The following ITSN2 variants were observed in gnomAD, a reference collection of about 807,000 sequenced individuals.
ITSN2 encodes intersectin 2.
Under a neutral mutation model 243.7 loss-of-function variants are expected in ITSN2, and 156 were observed. The ratio of observed to expected loss-of-function variants is 0.64; its 90% CI spans 0.56 to 0.73. The LOEUF (loss-of-function observed/expected upper bound fraction) is 0.73. ITSN2 is among the 30% of genes least tolerant of loss of function. The pLI, the probability that ITSN2 is intolerant of heterozygous loss-of-function variation, is 0.00. For missense variants in ITSN2, 1,801 were observed against 1,996.1 expected, an observed-to-expected ratio of 0.90 and a Z score of 1.86; for synonymous variants, 703 against 699.9, an observed-to-expected ratio of 1.00 and a Z score of -0.07.
chr2:24,320,525 C>CAAAA (rs113637557), intron 2 of ITSN2, among the ~76,000 whole-genome samples: 5 of 41,520 alleles, frequency 1.2e-4, no homozygotes, highest in Admixed American at 3.7e-4. Context: ...GACTCCGTCT[C>CAAAA]AAAAAAAAAA....
rs72794001 is a variant in ITSN2 at position 24,208,855 on chromosome 2, C to T, written c.4595+245G>A. Among the ~76,000 whole-genome samples, 490 of 152,310 alleles carry T rather than the reference C, an allele frequency of 3.2e-3. 2 individuals carry two copies. Among genetic ancestry groups the T allele is most frequent in the Non-Finnish European group, 5.5e-3 (371 of 68,016 alleles). On this transcript the variant is annotated intron_variant, in intron 36 of 39. Coordinates refer to ENST00000355123, the MANE Select transcript of ITSN2 (RefSeq NM_006277.3). ...AGGGACTGTAGCAGGGCCTCAGGTG[C>T]TGATCTGCCATTTGGGAAGGCTGCT...
At position 24,209,979 on chromosome 2, in the gene ITSN2, T is replaced by G; in HGVS notation, c.4312A>C (p.Ser1438Arg). ...NCLGPRKLLH[S>R]GKLYKTKSNK... ...CTCTTGGTCTTGTATAATTTCCCAC[T>G]GTGTAAGAGCTTCCGGGGCCCCAGG... Residue 1438 changes from serine (S) to arginine (R), a missense_variant, in exon 35 of 40, where the codon AGT (serine) becomes CGT (arginine). Ser to Arg is a moderately radical substitution (Grantham distance 110, BLOSUM62 -1). Coordinates refer to ENST00000355123, the MANE Select transcript of ITSN2 (RefSeq NM_006277.3). 1.9e-6 allele frequency: 3 copies of G among 1,614,182 alleles called. No homozygotes were observed. The highest frequency in any genetic ancestry group is 2.5e-6 in the Non-Finnish European group (3 of 1,180,020).
At chr2:24,291,548 G>A (rs557549985) in intron 15 of ITSN2, among the ~76,000 whole-genome samples, 5 of 147,784 alleles carry the variant, frequency 3.4e-5, no homozygotes, top group South Asian at 2.1e-4. Flanking sequence ...GGAGGGCAGC[G>A]GTGCGATCTC....
chr2:24,277,298 C>T (rs189367750), intron 17 of ITSN2, among the ~76,000 whole-genome samples: 10 of 152,208 alleles, frequency 6.6e-5, no homozygotes, highest in African/African-American at 2.2e-4. Flanking sequence ...TTTTTGGTAT[C>T]AACCTATACA....
chr2:24,267,225 G>A (rs1018237071), intron 20 of ITSN2, among the ~76,000 whole-genome samples: 4 of 151,972 alleles, frequency 2.6e-5, no homozygotes, highest in South Asian at 2.1e-4. Flanking sequence ...ATCACACAGC[G>A]GGACCTGTCA....
Position 24,209,893 on chromosome 2 carries a change from C to T in ITSN2, c.4398G>A (p.Lys1466=), listed in dbSNP as rs374440871. 6.7e-5 allele frequency: 108 copies of T among 1,614,100 alleles called. No individual in the cohort carries two copies. Among genetic ancestry groups the T allele is most frequent in the Non-Finnish European group, 8.9e-5 (105 of 1,180,034 alleles). ...CAGAGCCAGAGGAAACAGCAAACTG[C>T]TTGACCATGTAGGTAAGAAGCAGGA... ...NDFLLLTYMV[K]QFAVSSGSEK... is the part of the protein sequence containing the mutation. The change falls in exon 35 of 40, where the codon AAG becomes AAA. Residue 1466 remains lysine, a synonymous_variant. Transcript: ENST00000355123.
chr2:24,324,047 GTGGT>G (rs1684878361), intron 2 of ITSN2, among the ~76,000 whole-genome samples: 1 of 151,970 alleles, frequency 6.6e-6, no homozygotes, highest in South Asian at 2.1e-4. Flanking sequence ...CCTGGCTAAC[GTGGT>G]GAAACCCCAT....
chr2:24,262,325 T>C (rs1473653177), intron 20 of ITSN2, among the ~76,000 whole-genome samples: 1 of 152,236 alleles, frequency 6.6e-6, no homozygotes, highest in Non-Finnish European at 1.5e-5. Flanking sequence ...ATTTCCTTTT[T>C]TGTAAACTTT....
In ITSN2 at chr2:24,270,391, G is replaced by C. The variant is rs182134286; in HGVS notation, c.2355+280C>G. 2.6e-4 allele frequency among the ~76,000 whole-genome samples: 40 copies of C among 152,234 alleles called. No individual in the cohort carries two copies. In the East Asian group the frequency reaches 7.7e-3, roughly 29 times the overall value. On this transcript the variant is annotated intron_variant, in intron 20 of 39. Transcript: ENST00000355123. ...GTATGGCATAGCAGAAACAACGCTGGATTTGGAAATAAAAAAACACATAAC... is the reference window on the plus strand; with the variant it reads ...GTATGGCATAGCAGAAACAACGCTGCATTTGGAAATAAAAAAACACATAAC...
At chr2:24,254,790 T>C (rs1211488023) in intron 23 of ITSN2, among the ~76,000 whole-genome samples, 2 of 152,150 alleles carry the variant, frequency 1.3e-5, no homozygotes, top group African/African-American at 4.8e-5. Context: ...AAAGGCAATA[T>C]ATACATTTTA....
chr2:24,301,921 C>T, intron 10 of ITSN2, 44 bp downstream of exon 10: 1 of 1,546,416 alleles, frequency 6.5e-7, no homozygotes, highest in Admixed American at 1.9e-5. Flanking sequence ...ATCACATCTG[C>T]CAAGTTATCA....
chr2:24,321,400 T>C (rs180756315), intron 2 of ITSN2, among the ~76,000 whole-genome samples: 120 of 152,346 alleles, frequency 7.9e-4, no homozygotes, highest in African/African-American at 2.8e-3. Flanking sequence ...ACGTATATCA[T>C]TGAAAAGTAG....
At chr2:24,307,570 T>C (rs897672373) in intron 8 of ITSN2, among the ~76,000 whole-genome samples, 2 of 152,234 alleles carry the variant, frequency 1.3e-5, no homozygotes, top group Non-Finnish European at 1.5e-5. Context: ...CTTATCCCCA[T>C]GCTTCCACAA....
chr2:24,204,213 GC>G lies in ITSN2; in HGVS notation c.4936+31del, dbSNP rs1294342681. Reference sequence around the variant, plus strand: ...CTCCAGGATCTAGGAAACTGGGAAAGCCTTTAGATCCCCTGGCTGAGCGACA... The same window carrying G: ...CTCCAGGATCTAGGAAACTGGGAAAGCTTTAGATCCCCTGGCTGAGCGACA... On this transcript the variant is annotated intron_variant, in intron 39 of 39. Transcript: ENST00000355123. This position sits in a 1 kb window ranked among gnomAD's most constrained non-coding sequence, Gnocchi z 5.1. The G allele has an allele frequency of 1.2e-6, 2 of 1,610,166 alleles. No individual in the cohort carries two copies. The highest frequency in any genetic ancestry group is 2.7e-5 in the African/African-American group (2 of 74,770).
chr2:24,338,885 G>C (rs1686738125), intron 1 of ITSN2, among the ~76,000 whole-genome samples: 1 of 152,156 alleles, frequency 6.6e-6, no homozygotes. Flanking sequence ...CCAGAGAACA[G>C]AACGAACACT....
chr2:24,253,943 G>GA (rs1190049979), intron 24 of ITSN2, among the ~76,000 whole-genome samples: 2 of 151,938 alleles, frequency 1.3e-5, no homozygotes, highest in Non-Finnish European at 2.9e-5. Context: ...AAGGGATATA[G>GA]AAAAAAATTC....
At chr2:24,264,765 TG>T (rs1345312337) in intron 20 of ITSN2, among the ~76,000 whole-genome samples, 1 of 2,898 alleles carries the variant, frequency 3.5e-4, no homozygotes, top group Non-Finnish European at 8.6e-4. Flanking sequence ...TCTGTTCCAT[TG>T]ATCTATTTTC....
intron 37 of ITSN2, 22 bp from the exon 38 acceptor site, chr2:24,205,319 C>T: frequency 6.3e-7 from 1 of 1,594,054 alleles, no homozygotes; most frequent in Non-Finnish European, 8.6e-7. Flanking sequence ...GAAGACAAGT[C>T]TCATTAATCT....
rs1669294200 is a variant in ITSN2 at position 24,209,816 on chromosome 2, A to G, written c.4473+2T>C. The G allele has an allele frequency of 6.2e-7, 1 of 1,612,516 alleles. No homozygotes were observed. ...TGCTACCCCCAGACGCGTGATACTC[A>G]CCGTTTTATACATTTTGAATTGAGC... On this transcript the variant is annotated splice_donor_variant, in intron 35 of 39. Coordinates refer to ENST00000355123, the MANE Select transcript of ITSN2 (RefSeq NM_006277.3). LOFTEE classifies it high-confidence loss of function.
Sources: allele counts gnomAD v4.1 joint callset (sites outside exome capture counted in the v4.1 genomes callset), GRCh38; gene constraint gnomAD v4.1.1; non-coding constraint Gnocchi (gnomAD v3.1); transcripts MANE v1.5; gene names NCBI Gene and HGNC (gene_info 2026-07-23, HGNC 2026-07-21).